Variants in EXOSC1 observed in about 807,000 individuals in gnomAD.
The protein encoded by EXOSC1 is exosome component 1.
EXOSC1 carries 27 observed loss-of-function variants against 31.4 expected under a neutral mutation model. The observed-to-expected ratio is 0.86, with a 90% confidence interval of 0.63 to 1.18. EXOSC1 has a LOEUF of 1.18. EXOSC1 is among the 50% of genes most tolerant of loss of function. The pLI is 0.00. For missense variants in EXOSC1, 228 were observed against 250.3 expected (o/e 0.91, Z 0.60); for synonymous variants, 84 against 89.5 (o/e 0.94, Z 0.35).
intron 2 of EXOSC1, 149 bp downstream of exon 2, chr10:97,445,583 C>T (rs1201926945): frequency 1.4e-6 from 1 of 690,870 alleles, no homozygotes; most frequent in African/African-American, 1.8e-5. Flanking sequence ...AAGTGCACCA[C>T]AGCGGCGATA....
chr10:97,438,512 C>T (rs925698348), intron 5 of EXOSC1, among the ~76,000 whole-genome samples, 158 bp downstream of exon 5: 2 of 151,636 alleles, frequency 1.3e-5, no homozygotes, highest in South Asian at 4.2e-4. Flanking sequence ...GCTATGTTGC[C>T]AGGGCTGGTC....
rs148210566 is a variant in EXOSC1 at position 97,439,521 on chromosome 10, T to C, written c.312-818A>G. Among the ~76,000 whole-genome samples, 347 of 152,308 alleles carry C rather than the reference T, an allele frequency of 2.3e-3. 1 individual carries two copies. The Middle Eastern group carries it at 0.054, about 24-fold the overall frequency. On this transcript the variant is annotated intron_variant, in intron 4 of 7. Transcript: ENST00000370902. Reference sequence around the variant, plus strand: ...CTTATGAGAATCTAATGCCTGATGATCTGTCACTGTCTCCCATCACCCCCA... The same window carrying C: ...CTTATGAGAATCTAATGCCTGATGACCTGTCACTGTCTCCCATCACCCCCA...
Position 97,445,772 on chromosome 10 carries a change from G to A in EXOSC1, c.107C>T (p.Ser36Leu). 2 of 1,613,890 alleles carry A rather than the reference G, an allele frequency of 1.2e-6. No homozygotes were observed. The highest frequency in any genetic ancestry group is 1.7e-6 in the Non-Finnish European group (2 of 1,179,804). ...GCTCTTCATCAGACAGCCGGCAAGC[G>A]ACGAAAAGATGTAGCCGTGGCGGGT... ...TYTRHGYIFS[S>L]LAGCLMKSSE... Residue 36 changes from serine to leucine, a missense_variant, in exon 2 of 8, where the codon TCG becomes TTG. Transcript: ENST00000370902.
In EXOSC1 at chr10:97,439,249, G is replaced by A. The variant is rs111771720; in HGVS notation, c.312-546C>T. Among the ~76,000 whole-genome samples the A allele has an allele frequency of 2.6e-3, 400 of 152,248 alleles. 1 individual carries two copies. Among genetic ancestry groups the A allele is most frequent in the African/African-American group, 9.0e-3 (375 of 41,534 alleles). ...TTGGCAAGAAAGGATAAGGAATTTC[G>A]TTGCCTCAGGGCTTGAACAGAAGCA... On this transcript the variant is annotated intron_variant, in intron 4 of 7. Transcript: ENST00000370902.
chr10:97,438,798 G>A (rs1231045471), intron 4 of EXOSC1, 95 bp from the exon 5 acceptor site: 9 of 1,037,222 alleles, frequency 8.7e-6, no homozygotes, highest in East Asian at 4.9e-5. Flanking sequence ...TGTCACCCAG[G>A]CTGGAGTACA....
chr10:97,439,387 A>G (rs1845644773), intron 4 of EXOSC1, among the ~76,000 whole-genome samples: 1 of 152,062 alleles, frequency 6.6e-6, no homozygotes, highest in South Asian at 2.1e-4. Context: ...AATCGCATAC[A>G]TTACTGCCTG....
chr10:97,438,138 T>C (rs1472247469), intron 5 of EXOSC1, among the ~76,000 whole-genome samples: 1 of 152,092 alleles, frequency 6.6e-6, no homozygotes, highest in Non-Finnish European at 1.5e-5. Flanking sequence ...AGGCTGGTCT[T>C]GAACTCCTGA....
intron 3 of EXOSC1, among the ~76,000 whole-genome samples, chr10:97,442,596 C>T (rs898546622): frequency 2.0e-5 from 3 of 152,210 alleles, no homozygotes; most frequent in South Asian, 2.1e-4. Context: ...GCAGCCTCAA[C>T]CCCCTGGGCC....
intron 4 of EXOSC1, among the ~76,000 whole-genome samples, chr10:97,439,774 T>C (rs1442331222): frequency 6.6e-6 from 1 of 152,174 alleles, no homozygotes; most frequent in Non-Finnish European, 1.5e-5. Flanking sequence ...TGGGGACTGC[T>C]GCACTACAGA....
At chr10:97,437,844 TC>T (rs1288937000) in intron 5 of EXOSC1, 94 bp from the exon 6 acceptor site, 1 of 990,984 alleles carries the variant, frequency 1.0e-6, no homozygotes, top group Non-Finnish European at 1.6e-6. Flanking sequence ...TACTTTCTAA[TC>T]CTGGAGGGTA....
rs1211704030 is a variant in EXOSC1 at position 97,441,250 on chromosome 10, T to C, written c.232A>G (p.Ile78Val). 2.7e-5 allele frequency: 43 copies of C among 1,613,874 alleles called. No homozygotes were observed. Among genetic ancestry groups the C allele is most frequent in the Non-Finnish European group, 3.6e-5 (42 of 1,179,896 alleles). ...GAIVTCKVSSINSRFAKVHIL... is the reference protein window; with the variant it reads ...GAIVTCKVSSVNSRFAKVHIL... ...TGTACTTTGGCAAAGCGTGAATTGA[T>C]GCTAGAGACCTGCGGAATAGAGAAA... The change falls in exon 4 of 8, where the codon ATC becomes GTC. Residue 78 changes from isoleucine to valine, a missense_variant. Ile to Val is a conservative substitution (Grantham distance 29). Transcript: ENST00000370902.
rs745744870 is a variant in EXOSC1 at position 97,441,215 on chromosome 10, A to G, written c.267T>C (p.Tyr89=). Residue 89 remains tyrosine (Y), a synonymous_variant, in exon 4 of 8, where the codon TAT becomes TAC. Coordinates refer to ENST00000370902, the MANE Select transcript of EXOSC1 (RefSeq NM_016046.5). ...NSRFAKVHIL[Y]VGSMPLKNSF... ...AGTTCTTAAGAGGCATGGACCCCAC[A>G]TACAGGATGTGTACTTTGGCAAAGC... is the stretch of plus-strand genomic sequence containing the variant. 6.2e-7 allele frequency: 1 copy of G among 1,614,136 alleles called. No individual in the cohort carries two copies. Among genetic ancestry groups the G allele is most frequent in the South Asian group, 1.1e-5 (1 of 91,084 alleles).
intron 5 of EXOSC1, 77 bp from the exon 6 acceptor site, chr10:97,437,827 G>T (rs1359690184): frequency 1.7e-6 from 2 of 1,198,196 alleles, no homozygotes; most frequent in South Asian, 1.2e-5. Context: ...TTCTGGTAAA[G>T]CCAATCTACT....
chr10:97,442,020 T>C (rs1845735083), intron 3 of EXOSC1, among the ~76,000 whole-genome samples: 1 of 150,540 alleles, frequency 6.6e-6, no homozygotes, highest in South Asian at 2.1e-4. Flanking sequence ...GTACTAAAAA[T>C]ACAAAAATTA....
chr10:97,441,046 A>C (rs1440656288), intron 4 of EXOSC1, 125 bp downstream of exon 4: 3 of 730,228 alleles, frequency 4.1e-6, no homozygotes, highest in African/African-American at 1.8e-5. Flanking sequence ...ATCAAAGCAC[A>C]AAGAAGAAAG....
chr10:97,437,180 G>T lies in EXOSC1; in HGVS notation c.481+11C>A. On this transcript the variant is annotated intron_variant, in intron 7 of 7. Coordinates refer to ENST00000370902, the MANE Select transcript of EXOSC1 (RefSeq NM_016046.5). ...AGGGAAAGTAAGGATGTGGAAACAA[G>T]GCCATCTCACCTGACTCACTGTGGG... 6.2e-7 allele frequency: 1 copy of T among 1,612,214 alleles called. No homozygotes were observed.
Position 97,441,342 on chromosome 10 carries a change from G to A in EXOSC1, c.223-83C>T, listed in dbSNP as rs369559422. The A allele has an allele frequency of 3.8e-4, 425 of 1,121,930 alleles. 2 individuals carry two copies. The African/African-American group carries it at 5.3e-3, about 14-fold the overall frequency. 69.5% of individuals were successfully genotyped at this position (1,121,930 alleles called of 1,614,324 possible). A position where few individuals can be genotyped will look rare whatever the true frequency, so the allele number is the denominator to read the frequency against. On this transcript the variant is annotated intron_variant, in intron 3 of 7. Transcript: ENST00000370902. ...CAGCAATAAACTGGGGATTACTAGG[G>A]CTTCAGTGCAAGCAACCCTACTAAG... is the stretch of plus-strand genomic sequence containing the variant.
Position 97,435,941 on chromosome 10 carries a change from A to G in EXOSC1, c.*504T>C, listed in dbSNP as rs1845520635. ...GTGCTGGGATTTACAAACATGAGCC[A>G]CCATGCCTGCCTCACATGCTATCTG... On this transcript the variant is annotated 3_prime_UTR_variant, in exon 8 of 8. Transcript: ENST00000370902. 6.6e-6 allele frequency among the ~76,000 whole-genome samples: 1 copy of G among 152,220 alleles called. No homozygotes were observed. Among genetic ancestry groups the G allele is most frequent in the Non-Finnish European group, 1.5e-5 (1 of 68,040 alleles).
At chr10:97,437,856 G>T in intron 5 of EXOSC1, 106 bp from the exon 6 acceptor site, 2 of 894,574 alleles carry the variant, frequency 2.2e-6, no homozygotes, top group Non-Finnish European at 1.8e-6. Context: ...CTGGAGGGTA[G>T]AAATCATCAT....
Sources: allele counts gnomAD v4.1 joint callset (sites outside exome capture counted in the v4.1 genomes callset), GRCh38; gene constraint gnomAD v4.1.1; transcripts MANE v1.5; gene names NCBI Gene and HGNC (gene_info 2026-07-23, HGNC 2026-07-21).